Variants in TMEM62 observed in about 807,000 individuals in gnomAD.
TMEM62 encodes the protein transmembrane protein 62.
A neutral mutation model predicts 70.4 loss-of-function variants in TMEM62; 41 were observed. The ratio of observed to expected loss-of-function variants is 0.58; its 90% confidence interval spans 0.45 to 0.76. The LOEUF (loss-of-function observed/expected upper bound fraction) is 0.76, where lower values mean the gene tolerates loss of function less well. Ranked by LOEUF, TMEM62 falls within the 30% of genes least tolerant of loss-of-function variation. The pLI is 0.00. For synonymous variants in TMEM62, 268 were observed against 291.0 expected (o/e 0.92, Z 0.80); for missense variants, 688 against 788.5 (o/e 0.87, Z 1.53).
At chr15:43,165,585 T>G (rs1423911130) in intron 10 of TMEM62, among the ~76,000 whole-genome samples, 2 of 151,768 alleles carry the variant, frequency 1.3e-5, no homozygotes, top group Non-Finnish European at 2.9e-5. Flanking sequence ...TACAAAAAAT[T>G]AGCCCGGTGT....
chr15:43,167,484 C>T (rs936465067), intron 10 of TMEM62, among the ~76,000 whole-genome samples: 7 of 151,136 alleles, frequency 4.6e-5, no homozygotes, highest in East Asian at 2.0e-4. Context: ...ACATCCCGGA[C>T]GGGGCGGCAG....
At chr15:43,152,871 T>G (rs1435605677) in intron 8 of TMEM62, among the ~76,000 whole-genome samples, 1 of 152,232 alleles carries the variant, frequency 6.6e-6, no homozygotes. Flanking sequence ...GGATTTTAAG[T>G]ATGTTTTTCT....
At chr15:43,181,526 C>CA (rs1205680997) in intron 13 of TMEM62, among the ~76,000 whole-genome samples, 1 of 152,110 alleles carries the variant, frequency 6.6e-6, no homozygotes. Flanking sequence ...TTCCCCAAGA[C>CA]AGTGTTCTGC....
At chr15:43,140,524 G>A (rs889462546) in intron 4 of TMEM62, among the ~76,000 whole-genome samples, 2 of 152,168 alleles carry the variant, frequency 1.3e-5, no homozygotes, top group Non-Finnish European at 1.5e-5. Context: ...TCTCCAGCAG[G>A]ATCTTCTTGG....
Position 43,133,751 on chromosome 15 carries a change from C to A in TMEM62, c.-52C>A. The A allele has an allele frequency of 8.0e-7, 1 of 1,253,240 alleles. No individual in the cohort carries two copies. The highest frequency in any genetic ancestry group is 1.0e-6 in the Non-Finnish European group (1 of 989,264). The allele number at this position is 1,253,240 out of a possible 1,614,324, so 77.6% of individuals were successfully genotyped here. ...CAGGCAAAGCGGCTCCCGGGAGCGC[C>A]GCGCGGTCCTGCGCGGGATCAGCGA... On this transcript the variant is annotated 5_prime_UTR_variant, in exon 1 of 14. Coordinates refer to ENST00000260403, the MANE Select transcript of TMEM62 (RefSeq NM_024956.4).
intron 10 of TMEM62, among the ~76,000 whole-genome samples, chr15:43,168,592 G>C (rs1054485682): frequency 6.6e-6 from 1 of 152,120 alleles, no homozygotes; most frequent in African/African-American, 2.4e-5. Context: ...CTGGTACCCA[G>C]GTGGCAAAAC....
At chr15:43,181,795 C>G (rs1484641136) in intron 13 of TMEM62, among the ~76,000 whole-genome samples, 1 of 152,200 alleles carries the variant, frequency 6.6e-6, no homozygotes, top group African/African-American at 2.4e-5. Flanking sequence ...AGCCACCATG[C>G]CTAGCCTAAA....
At chr15:43,172,482 T>G (rs1028081340) in intron 11 of TMEM62, among the ~76,000 whole-genome samples, 5 of 152,246 alleles carry the variant, frequency 3.3e-5, no homozygotes, top group African/African-American at 1.2e-4. Flanking sequence ...TGAAAACAGC[T>G]ATCTTCATTA....
chr15:43,173,133 T>C (rs774934432), intron 11 of TMEM62, among the ~76,000 whole-genome samples: 35 of 152,104 alleles, frequency 2.3e-4, no homozygotes, highest in Non-Finnish European at 4.6e-4. Flanking sequence ...GAGGCTGAGG[T>C]TGCAGTGAGC....
chr15:43,136,442 G>GTAT (rs896630174), intron 3 of TMEM62, among the ~76,000 whole-genome samples: 6 of 151,832 alleles, frequency 4.0e-5, no homozygotes, highest in Non-Finnish European at 8.8e-5. Context: ...AAATTTACTA[G>GTAT]TATTATTATT....
chr15:43,134,143 G>C, intron 1 of TMEM62, 114 bp from the exon 2 acceptor site: 1 of 1,437,192 alleles, frequency 7.0e-7, no homozygotes, highest in Non-Finnish European at 9.4e-7. Context: ...TGGGGGGTTC[G>C]TTATGCATTG....
chr15:43,148,062 T>G (rs2036895296), intron 5 of TMEM62, among the ~76,000 whole-genome samples: 1 of 152,236 alleles, frequency 6.6e-6, no homozygotes, highest in South Asian at 2.1e-4. Context: ...GTCACCACAG[T>G]TAAGACATAG....
rs1034945038 is a variant in TMEM62 at position 43,184,710 on chromosome 15, G to C, written c.*124G>C. 1.2e-6 allele frequency: 1 copy of C among 808,112 alleles called. No homozygotes were observed. Among genetic ancestry groups the C allele is most frequent in the East Asian group, 2.6e-5 (1 of 38,644 alleles). 50.1% of individuals were successfully genotyped at this position (808,112 alleles called of 1,614,324 possible). On this transcript the variant is annotated 3_prime_UTR_variant, in exon 14 of 14. Transcript: ENST00000260403. ...GGTGAGCTTTAGGGAGCAGCTGCTC[G>C]TTTGGAGTCCTGGACGTTGGAGGGA...
At chr15:43,133,387 T>TA (rs1464572218), upstream of TMEM62, 1 of 171,850 alleles carries the variant, frequency 5.8e-6, no homozygotes, top group African/African-American at 2.4e-5. Flanking sequence ...AAGGTGTTAT[T>TA]AACTCCGTTT....
upstream of TMEM62, chr15:43,133,551 T>G (rs758065413): frequency 4.5e-5 from 16 of 352,632 alleles, no homozygotes; most frequent in Non-Finnish European, 7.1e-5. Context: ...TTCTCTTTTC[T>G]GTGATCGTAT....
chr15:43,148,779 C>G lies in TMEM62; in HGVS notation c.643C>G (p.Leu215Val). 6.2e-7 allele frequency: 1 copy of G among 1,614,020 alleles called. No individual in the cohort carries two copies. Among genetic ancestry groups the G allele is most frequent in the Non-Finnish European group, 8.5e-7 (1 of 1,179,998 alleles). Residue 215 changes from leucine (L) to valine (V), a missense_variant, in exon 6 of 14, where the codon CTG (leucine) becomes GTG (valine). Leu to Val is a conservative substitution (Grantham distance 32). Coordinates refer to ENST00000260403, the MANE Select transcript of TMEM62 (RefSeq NM_024956.4). ...DKKKMEELLL[L>V]AKESSRSNHT... ...GAAAAAGATGGAGGAGCTCTTATTA[C>G]TGGCCAAGGAAAGCAGTCGGAGCAA... is the stretch of plus-strand genomic sequence containing the variant.
At chr15:43,183,073 C>CT (rs1385032320) in intron 13 of TMEM62, among the ~76,000 whole-genome samples, 1 of 152,124 alleles carries the variant, frequency 6.6e-6, no homozygotes. Context: ...CTGTTCCTCT[C>CT]TGTTTTTCCA....
chr15:43,156,859 A>G (rs1222940645), intron 9 of TMEM62, among the ~76,000 whole-genome samples: 1 of 152,100 alleles, frequency 6.6e-6, no homozygotes, highest in African/African-American at 2.4e-5. Context: ...AATATGATAC[A>G]TTTCCCTCAA....
At chr15:43,153,369 C>G (rs2037641927) in intron 8 of TMEM62, among the ~76,000 whole-genome samples, 1 of 152,098 alleles carries the variant, frequency 6.6e-6, no homozygotes, top group Non-Finnish European at 1.5e-5. Context: ...GCAACCATCA[C>G]CATTATCCAT....
Sources: gnomAD v4.1 joint callset for allele counts (sites outside exome capture counted in the v4.1 genomes callset) on GRCh38, gnomAD v4.1.1 for gene constraint, MANE v1.5 for transcripts, NCBI Gene and HGNC (gene_info 2026-07-23, HGNC 2026-07-21) for gene names.